Variants in GALNTL6 observed in about 807,000 individuals in gnomAD.
GALNTL6 encodes the protein polypeptide N-acetylgalactosaminyltransferase-like 6.
Under a neutral mutation model 73.7 loss-of-function variants are expected in GALNTL6, and 46 were observed. That is an observed-to-expected ratio of 0.62 (90% CI 0.49 to 0.80). The LOEUF is 0.80. GALNTL6 is among the 30% of genes least tolerant of loss of function. The pLI, the probability that GALNTL6 is intolerant of heterozygous loss-of-function variation, is 0.00. For missense variants in GALNTL6, 604 were observed against 755.0 expected (o/e 0.80, Z 2.34); for synonymous variants, 259 against 263.7 (o/e 0.98, Z 0.17).
intron 7 of GALNTL6, among the ~76,000 whole-genome samples, chr4:172,862,778 C>A (rs916301031): frequency 6.6e-6 from 1 of 152,116 alleles, no homozygotes; most frequent in African/African-American, 2.4e-5. Context: ...GCATAAGTAA[C>A]CAGGAGCTGA....
intron 5 of GALNTL6, among the ~76,000 whole-genome samples, chr4:172,501,360 G>T (rs899396151): frequency 2.0e-5 from 3 of 152,050 alleles, no homozygotes; most frequent in Admixed American, 6.6e-5. Flanking sequence ...AAACATAAAG[G>T]ATATTTCTCA....
intron 8 of GALNTL6, among the ~76,000 whole-genome samples, chr4:172,894,997 A>G (rs961987744): frequency 6.7e-5 from 10 of 149,688 alleles, no homozygotes; most frequent in Admixed American, 6.0e-4. Flanking sequence ...TGACATCAGT[A>G]TAGCTACTCT....
At chr4:172,470,293 A>G (rs529840116) in intron 5 of GALNTL6, among the ~76,000 whole-genome samples, 42 of 152,348 alleles carry the variant, frequency 2.8e-4, no homozygotes, top group African/African-American at 8.4e-4. Context: ...TTCAAAACCA[A>G]CTGGACTCCA....
At chr4:172,212,828 C>T (rs113016723) in intron 2 of GALNTL6, among the ~76,000 whole-genome samples, 35 of 152,074 alleles carry the variant, frequency 2.3e-4, no homozygotes, top group East Asian at 7.8e-4. Flanking sequence ...CCACCACGCC[C>T]GGCTAATTTT....
chr4:172,391,960 A>G (rs1743677120), intron 5 of GALNTL6, among the ~76,000 whole-genome samples: 1 of 152,162 alleles, frequency 6.6e-6, no homozygotes, highest in Non-Finnish European at 1.5e-5. Context: ...AGATAATGCT[A>G]ATCAACTTTT....
chr4:172,446,295 T>G (rs1046277048), intron 5 of GALNTL6, among the ~76,000 whole-genome samples: 19 of 152,238 alleles, frequency 1.2e-4, no homozygotes, highest in Non-Finnish European at 2.5e-4. Flanking sequence ...CAGATCTGTG[T>G]CTCCAAAACT....
chr4:172,135,177 A>G (rs1410425046), intron 2 of GALNTL6, among the ~76,000 whole-genome samples: 1 of 152,174 alleles, frequency 6.6e-6, no homozygotes, highest in Non-Finnish European at 1.5e-5. Context: ...ATTATAAGCT[A>G]TACTTATAAT....
At chr4:172,669,250 T>C (rs1469227621) in intron 5 of GALNTL6, 1 of 152,202 alleles carries the variant, frequency 6.6e-6, no homozygotes, top group Non-Finnish European at 1.5e-5. Context: ...GTCTCATAAA[T>C]GTGGCTGAGG....
chr4:172,948,259 G>A (rs1402794760), intron 9 of GALNTL6, among the ~76,000 whole-genome samples: 1 of 152,172 alleles, frequency 6.6e-6, no homozygotes, highest in Non-Finnish European at 1.5e-5. Flanking sequence ...CTTATAGCTA[G>A]AGGGAAACTT....
At chr4:172,937,135 C>A (rs1748661808) in intron 9 of GALNTL6, among the ~76,000 whole-genome samples, 1 of 151,938 alleles carries the variant, frequency 6.6e-6, no homozygotes. Context: ...CAGTGTTGAC[C>A]TTTACTCCTT....
chr4:172,630,184 C>T (rs2111092743), intron 5 of GALNTL6, among the ~76,000 whole-genome samples: 1 of 152,212 alleles, frequency 6.6e-6, no homozygotes, highest in East Asian at 1.9e-4. Flanking sequence ...TGCAGGTTTT[C>T]ACCACACCTA....
intron 8 of GALNTL6, among the ~76,000 whole-genome samples, chr4:172,913,658 T>C (rs924983114): frequency 6.6e-6 from 1 of 151,704 alleles, no homozygotes. Context: ...GAAGATCAAA[T>C]GAATGAAATG....
At chr4:172,733,287 G>A (rs962105684) in intron 5 of GALNTL6, among the ~76,000 whole-genome samples, 14 of 152,194 alleles carry the variant, frequency 9.2e-5, no homozygotes, top group African/African-American at 3.4e-4. Flanking sequence ...TGAGAAGCCT[G>A]TTGCCAAACT....
intron 2 of GALNTL6, among the ~76,000 whole-genome samples, chr4:171,858,704 T>C (rs999470742): frequency 1.3e-5 from 2 of 152,112 alleles, no homozygotes; most frequent in Non-Finnish European, 2.9e-5. Flanking sequence ...ATCTTCTTTT[T>C]CAGGTTTCTT....
chr4:172,118,046 G>A (rs1266139069), intron 2 of GALNTL6, among the ~76,000 whole-genome samples: 2 of 152,144 alleles, frequency 1.3e-5, no homozygotes. Flanking sequence ...TTGTGCATTA[G>A]AATATGTGAT....
intron 5 of GALNTL6, among the ~76,000 whole-genome samples, chr4:172,458,756 C>T (rs1038473320): frequency 2.0e-5 from 3 of 152,130 alleles, no homozygotes; most frequent in East Asian, 1.9e-4. Context: ...CAGGACCAGA[C>T]AGATTCACAG....
At chr4:172,255,137 TG>T (rs1255714520) in intron 3 of GALNTL6, among the ~76,000 whole-genome samples, 1 of 151,632 alleles carries the variant, frequency 6.6e-6, no homozygotes, top group Non-Finnish European at 1.5e-5. Context: ...CCCAGACAGT[TG>T]GTATTTGAAT....
At chr4:172,386,195 A>T (rs574868152) in intron 5 of GALNTL6, among the ~76,000 whole-genome samples, 1 of 152,308 alleles carries the variant, frequency 6.6e-6, no homozygotes, top group Admixed American at 6.5e-5. Context: ...AATAATTTTT[A>T]TATTTACCTA....
intron 2 of GALNTL6, among the ~76,000 whole-genome samples, chr4:172,201,472 T>TG (rs2110902468): frequency 6.6e-6 from 1 of 152,132 alleles, no homozygotes; most frequent in East Asian, 1.9e-4. Flanking sequence ...TCCAAAGTGC[T>TG]GGGATTACAG....
Sources: gnomAD v4.1 joint callset for allele counts (sites outside exome capture counted in the v4.1 genomes callset) on GRCh38, gnomAD v4.1.1 for gene constraint, MANE v1.5 for transcripts, NCBI Gene and HGNC (gene_info 2026-07-23, HGNC 2026-07-21) for gene names.